The following CLASRP variants were observed in gnomAD, a reference collection of about 807,000 sequenced individuals.
CLASRP encodes CLK4-associating serine/arginine rich protein.
CLASRP carries 52 observed loss-of-function variants against 99.9 expected under a neutral mutation model. The observed-to-expected ratio is 0.52, with a 90% CI of 0.42 to 0.66. The LOEUF (loss-of-function observed/expected upper bound fraction) is 0.66, where lower values mean the gene tolerates loss of function less well. Among genes scored for constraint, CLASRP ranks in the 30% least tolerant of loss-of-function variants. The pLI, the probability that CLASRP is intolerant of heterozygous loss-of-function variation, is 0.00. For missense variants in CLASRP, 848 were observed against 999.2 expected (o/e 0.85, Z 2.04); for synonymous variants, 379 against 373.0 (o/e 1.02, Z -0.18).
At chr19:45,065,657 G>A in intron 13 of CLASRP, among the ~76,000 whole-genome samples, 1 of 152,114 alleles carries the variant, frequency 6.6e-6, no homozygotes, top group Non-Finnish European at 1.5e-5. Flanking sequence ...CTGGGGACTG[G>A]TCCACCCCCT....
chr19:45,064,410 C>G lies in CLASRP; in HGVS notation c.1189C>G (p.Arg397Gly). 3 of 1,529,024 alleles carry G rather than the reference C, an allele frequency of 2.0e-6. No individual in the cohort carries two copies. The highest frequency in any genetic ancestry group is 2.0e-5 in the Admixed American group (1 of 50,862). The allele number at this position is 1,529,024 out of a possible 1,614,324, so 94.7% of individuals were successfully genotyped here. A position where few individuals can be genotyped will look rare whatever the true frequency, so the allele number is the denominator to read the frequency against. ...SRTSSSRSSS[R>G]SSSRSRRGGG... ...GACCTCCAGCTCCCGCTCCAGCTCT[C>G]GCTCCAGCTCCCGCTCTCGCCGTGG... Residue 397 changes from arginine to glycine, a missense_variant, in exon 13 of 21, where the codon CGC becomes GGC. Arg to Gly is a moderately radical substitution (Grantham distance 125). Around this residue, in one of 8 missense-constraint regions of CLASRP, gnomAD observed 489 missense variants for 434.7 expected, o/e 1.12. Transcript: ENST00000221455.
intron 11 of CLASRP, among the ~76,000 whole-genome samples, chr19:45,062,871 G>A (rs772699126): frequency 6.6e-5 from 10 of 152,266 alleles, no homozygotes; most frequent in East Asian, 1.9e-4. Flanking sequence ...GGCACAGGTC[G>A]TTGTCTCGTG....
In CLASRP at chr19:45,053,104, A is replaced by G. The variant is rs1972057163; in HGVS notation, c.306A>G (p.Pro102=). 2 of 1,613,850 alleles carry G rather than the reference A, an allele frequency of 1.2e-6. No individual in the cohort carries two copies. Among genetic ancestry groups the G allele is most frequent in the East Asian group, 4.5e-5 (2 of 44,880 alleles). The change falls in exon 5 of 21, where the codon CCA becomes CCG. Residue 102 remains proline (P), a synonymous_variant. Transcript: ENST00000221455. ...YTPPLLTTIS[P]EQESDERKCN... ...GTCTCGCCCTTCCCTAAAGCTCCCC[A>G]GAACAGGAGTCGGACGAACGGAAGT...
At chr19:45,069,011 A>AT in intron 16 of CLASRP, 55 bp from the exon 17 acceptor site, 2 of 1,467,532 alleles carry the variant, frequency 1.4e-6, no homozygotes, top group Non-Finnish European at 1.9e-6. Flanking sequence ...AAAAGAAAAA[A>AT]GAGAGTGGGG....
At chr19:45,053,271 C>T in intron 5 of CLASRP, 94 bp downstream of exon 5, 1 of 1,262,032 alleles carries the variant, frequency 7.9e-7, no homozygotes, top group Non-Finnish European at 1.1e-6. Context: ...TATCCACATA[C>T]TTTCTACTAA....
intron 6 of CLASRP, 79 bp from the exon 7 acceptor site, chr19:45,057,671 C>T (rs552266416): frequency 5.8e-6 from 9 of 1,551,520 alleles, no homozygotes; most frequent in Admixed American, 3.5e-5. Flanking sequence ...CCGTGGCACT[C>T]GAGACTGGTG....
At chr19:45,068,080 G>A (rs761838418) in intron 15 of CLASRP, 26 bp downstream of exon 15, 18 of 1,611,608 alleles carry the variant, frequency 1.1e-5, no homozygotes, top group Admixed American at 6.7e-5. Flanking sequence ...GAACTCGCCC[G>A]TCTAATTCCC....
chr19:45,043,195 T>TTGTGTG (rs58669276), intron 2 of CLASRP, among the ~76,000 whole-genome samples: 26,763 of 134,564 alleles, frequency 0.2, 3,060 homozygotes, highest in Non-Finnish European at 0.26. Context: ...AAGGAATACT[T>TTGTGTG]TGTGTGTGTG....
chr19:45,068,942 A>T (rs908261656), intron 16 of CLASRP, 124 bp from the exon 17 acceptor site: 14 of 889,738 alleles, frequency 1.6e-5, no homozygotes, highest in Non-Finnish European at 2.1e-5. Flanking sequence ...GTGAGCCAAG[A>T]TCACGCCACT....
At chr19:45,070,434 G>A in intron 19 of CLASRP, 103 bp from the exon 20 acceptor site, 1 of 1,030,786 alleles carries the variant, frequency 9.7e-7, no homozygotes, top group South Asian at 1.3e-5. Context: ...CCCTCATTTG[G>A]AGACAACCCC....
chr19:45,050,655 G>A (rs1972006070), intron 2 of CLASRP, among the ~76,000 whole-genome samples: 1 of 152,112 alleles, frequency 6.6e-6, no homozygotes, highest in African/African-American at 2.4e-5. Context: ...TTGCACTCCA[G>A]TTGAAGATCC....
At chr19:45,048,838 TA>T (rs1971969118) in intron 2 of CLASRP, among the ~76,000 whole-genome samples, 1 of 151,492 alleles carries the variant, frequency 6.6e-6, no homozygotes, top group Non-Finnish European at 1.5e-5. Flanking sequence ...ATACCAAAAT[TA>T]GCCAAGCGTG....
In CLASRP at chr19:45,068,082, C is replaced by CT. The variant is rs779912621; in HGVS notation, c.1707+29dup. Reference sequence around the variant, plus strand: ...CAGTAAGAATTTGGAACTCGCCCGTCTAATTCCCGTCAGCAGCAGTGCCCA... The same window carrying CT: ...CAGTAAGAATTTGGAACTCGCCCGTCTTAATTCCCGTCAGCAGCAGTGCCCA... On this transcript the variant is annotated intron_variant, in intron 15 of 20. Coordinates refer to ENST00000221455, the MANE Select transcript of CLASRP (RefSeq NM_007056.3). 16 of 1,611,362 alleles carry CT rather than the reference C, an allele frequency of 9.9e-6. No individual in the cohort carries two copies. In the South Asian group the frequency reaches 1.4e-4, roughly 14 times the overall value.
intron 5 of CLASRP, among the ~76,000 whole-genome samples, 175 bp from the exon 6 acceptor site, chr19:45,056,275 T>C (rs947045075): frequency 1.3e-5 from 2 of 152,226 alleles, no homozygotes; most frequent in African/African-American, 2.4e-5. Context: ...TCCAAGGCTC[T>C]GCTGCAGTTG....
At chr19:45,044,024 G>A (rs1476726194) in intron 2 of CLASRP, among the ~76,000 whole-genome samples, 1 of 152,116 alleles carries the variant, frequency 6.6e-6, no homozygotes, top group Non-Finnish European at 1.5e-5. Flanking sequence ...TGAGACTATA[G>A]GTGCCCACCA....
At position 45,060,982 on chromosome 19, in the gene CLASRP, G is replaced by A. The variant is rs1966926486; in HGVS notation, c.863+355G>A. 6.6e-6 allele frequency among the ~76,000 whole-genome samples: 1 copy of A among 152,194 alleles called. No homozygotes were observed. Among genetic ancestry groups the A allele is most frequent in the African/African-American group, 2.4e-5 (1 of 41,444 alleles). On this transcript the variant is annotated intron_variant, in intron 10 of 20. Transcript: ENST00000221455. The surrounding 1 kb of genome is among the most constrained non-coding windows in gnomAD (Gnocchi z 4.6). Reference sequence around the variant, plus strand: ...TTGGCTTCTTCCTGTGTCGGAGTTTGGACAAGTGACTTCCCGAACTCTCTG... The same window carrying A: ...TTGGCTTCTTCCTGTGTCGGAGTTTAGACAAGTGACTTCCCGAACTCTCTG...
intron 2 of CLASRP, among the ~76,000 whole-genome samples, chr19:45,042,048 AT>A (rs1168156825): frequency 1.3e-5 from 2 of 152,198 alleles, no homozygotes; most frequent in Non-Finnish European, 2.9e-5. Context: ...CACACTTAAG[AT>A]ACACATACAT....
Position 45,040,280 on chromosome 19 carries a change from C to T in CLASRP, c.68C>T (p.Ala23Val). 6.2e-7 allele frequency: 1 copy of T among 1,611,902 alleles called. No individual in the cohort carries two copies. The highest frequency in any genetic ancestry group is 8.5e-7 in the Non-Finnish European group (1 of 1,179,330). The change falls in exon 2 of 21, where the codon GCG becomes GTG. Residue 23 changes from alanine to valine, a missense_variant. Ala to Val is a moderately conservative substitution (Grantham distance 64). Transcript: ENST00000221455. ...RGMMVDYKKR[A>V]ERRREYYEKI... ...ATGATGGTCGACTACAAGAAGAGGG[C>T]GGAGCGGAGACGGGAGTATTATGAA...
chr19:45,042,053 C>T (rs1971822724), intron 2 of CLASRP, among the ~76,000 whole-genome samples: 1 of 152,186 alleles, frequency 6.6e-6, no homozygotes, highest in Non-Finnish European at 1.5e-5. Flanking sequence ...TTAAGATACA[C>T]ATACATGGGC....
Sources: gnomAD v4.1 joint callset for allele counts (sites outside exome capture counted in the v4.1 genomes callset) on GRCh38, gnomAD v4.1.1 for gene constraint, gnomAD v4.1.1 regional missense constraint, Gnocchi (gnomAD v3.1) non-coding constraint, MANE v1.5 for transcripts, NCBI Gene and HGNC (gene_info 2026-07-23, HGNC 2026-07-21) for gene names.